The following RNF2 variants were observed in gnomAD, a reference collection of about 807,000 sequenced individuals.
The protein encoded by RNF2 is E3 ubiquitin-protein ligase RING2.
A neutral mutation model predicts 37.2 loss-of-function variants in RNF2; 6 were observed. The observed-to-expected ratio is 0.16, with a 90% confidence interval of 0.09 to 0.32. The LOEUF is 0.32. Ranked by LOEUF, RNF2 falls within the 10% of genes least tolerant of loss-of-function variation. The pLI is 1.00. For synonymous variants in RNF2, 133 were observed against 132.7 expected, an observed-to-expected ratio of 1.00 and a Z score of -0.02; for missense variants, 251 against 404.0, an observed-to-expected ratio of 0.62 and a Z score of 3.25.
rs761177041 is a variant in RNF2 at position 185,100,233 on chromosome 1, A to G, written c.943A>G (p.Ser315Gly). ...LNGSFSLELV[S>G]EKYWKVNKPM... ...TGGCTCTTTTTCTTTGGAATTGGTC[A>G]GTGAGAAATACTGGAAAGTGAACAA... Residue 315 changes from serine to glycine, a missense_variant, in exon 7 of 7, where the codon AGT (serine) becomes GGT (glycine). Physicochemically the swap from Ser to Gly is moderately conservative, Grantham distance 56. Transcript: ENST00000367510. The G allele has an allele frequency of 5.0e-6, 8 of 1,609,780 alleles. No homozygotes were observed. The highest frequency in any genetic ancestry group is 6.8e-6 in the Non-Finnish European group (8 of 1,178,588).
At position 185,093,161 on chromosome 1, in the gene RNF2, C is replaced by T; in HGVS notation, c.349C>T (p.Arg117Cys). Residue 117 changes from arginine to cysteine, a missense_variant, in exon 4 of 7, where the codon CGT becomes TGT. Coordinates refer to ENST00000367510, the MANE Select transcript of RNF2 (RefSeq NM_007212.4). The part of the protein sequence containing the change: ...DALISKIYPS[R>C]DEYEAHQERV... ...ACTCATCAGCAAAATTTATCCAAGT[C>T]GTGATGAGTATGAAGCTCATCAAGA... 1.9e-6 allele frequency: 3 copies of T among 1,613,912 alleles called. No individual in the cohort carries two copies. The highest frequency in any genetic ancestry group is 2.5e-6 in the Non-Finnish European group (3 of 1,179,942).
intron 1 of RNF2, among the ~76,000 whole-genome samples, chr1:185,049,062 C>G (rs1299561427): frequency 1.3e-5 from 2 of 152,112 alleles, no homozygotes; most frequent in Non-Finnish European, 2.9e-5. Context: ...TCCGTCTCTA[C>G]TAAAAATACA....
At chr1:185,094,114 CA>C (rs1388814176) in intron 4 of RNF2, among the ~76,000 whole-genome samples, 3 of 151,556 alleles carry the variant, frequency 2.0e-5, no homozygotes, top group Non-Finnish European at 2.9e-5. Context: ...TTGCTTAAGC[CA>C]AAAACTTTGG....
intron 1 of RNF2, among the ~76,000 whole-genome samples, chr1:185,058,318 G>A (rs1650494573): frequency 6.6e-6 from 1 of 152,092 alleles, no homozygotes; most frequent in Non-Finnish European, 1.5e-5. Flanking sequence ...GGTGTCTGTG[G>A]TGTGCGGGGT....
At position 185,062,817 on chromosome 1, in the gene RNF2, C is replaced by A. The variant is rs183431316; in HGVS notation, c.-3+17168C>A. Among the ~76,000 whole-genome samples, 555 of 149,742 alleles carry A rather than the reference C, an allele frequency of 3.7e-3. 1 individual carries two copies. Among genetic ancestry groups the A allele is most frequent in the South Asian group, 6.1e-3 (29 of 4,730 alleles). ...ATAAATAATTGGTAGACCTCCCCCC[C>A]CCCAAAAAAAGGCCAATAAAGCTGT... On this transcript the variant is annotated intron_variant, in intron 1 of 6. Coordinates refer to ENST00000367510, the MANE Select transcript of RNF2 (RefSeq NM_007212.4).
intron 1 of RNF2, among the ~76,000 whole-genome samples, chr1:185,063,132 T>TTA (rs1491504524): frequency 3.3e-5 from 5 of 152,226 alleles, no homozygotes; most frequent in Non-Finnish European, 5.9e-5. Flanking sequence ...AACCTGTAAC[T>TTA]GTAAATGAGT....
At chr1:185,095,382 A>G (rs1182859776) in intron 4 of RNF2, among the ~76,000 whole-genome samples, 2 of 151,958 alleles carry the variant, frequency 1.3e-5, no homozygotes, top group African/African-American at 2.4e-5. Context: ...TACTTACACT[A>G]CTCTATTTCA....
At chr1:185,065,453 T>C (rs1650772077) in intron 1 of RNF2, among the ~76,000 whole-genome samples, 1 of 152,230 alleles carries the variant, frequency 6.6e-6, no homozygotes, top group East Asian at 1.9e-4. Context: ...TTGCTGCTGC[T>C]CACTCTTTGG....
intron 1 of RNF2, among the ~76,000 whole-genome samples, chr1:185,062,816 C>A (rs936264778): frequency 6.7e-6 from 1 of 149,664 alleles, no homozygotes; most frequent in Non-Finnish European, 1.5e-5. Context: ...GACCTCCCCC[C>A]CCCCAAAAAA....
rs768356678 is a variant in RNF2 at position 185,101,832 on chromosome 1, GTTTTTTTTTT to G, written c.*1544_*1553del. 1 of 97,878 alleles carries G rather than the reference GTTTTTTTTTT, an allele frequency of 1.0e-5. No individual in the cohort carries two copies. The highest frequency in any genetic ancestry group is 1.3e-4 in the Admixed American group (1 of 7,966). 6.1% of individuals were successfully genotyped at this position (97,878 alleles called of 1,614,324 possible). On this transcript the variant is annotated 3_prime_UTR_variant, in exon 7 of 7. Coordinates refer to ENST00000367510, the MANE Select transcript of RNF2 (RefSeq NM_007212.4). ...AATATTTAAAATCTGTTTTTACAGG[GTTTTTTTTTT>G]TTTTTTTTTTTTGTAATCTGTGCCA...
At chr1:185,079,061 A>G (rs1313215223) in intron 1 of RNF2, among the ~76,000 whole-genome samples, 4 of 147,676 alleles carry the variant, frequency 2.7e-5, no homozygotes, top group Admixed American at 2.0e-4. Flanking sequence ...TTCACGGTCT[A>G]CTATGACTAG....
chr1:185,097,080 A>G (rs1466324470), intron 4 of RNF2, among the ~76,000 whole-genome samples: 4 of 152,202 alleles, frequency 2.6e-5, no homozygotes. Context: ...TATTAGCTGT[A>G]TAACTGGAGG....
At chr1:185,090,556 G>C (rs181669039) in intron 2 of RNF2, among the ~76,000 whole-genome samples, 12 of 152,292 alleles carry the variant, frequency 7.9e-5, no homozygotes, top group African/African-American at 2.9e-4. Flanking sequence ...ATGAACAATA[G>C]CTATAGTTTC....
intron 1 of RNF2, among the ~76,000 whole-genome samples, chr1:185,054,500 C>T (rs541010819): frequency 1.3e-5 from 2 of 152,070 alleles, no homozygotes; most frequent in Non-Finnish European, 2.9e-5. Context: ...CTGGCCCCTC[C>T]GGGCCGGCCA....
intron 5 of RNF2, among the ~76,000 whole-genome samples, chr1:185,099,051 C>CTTT (rs1345375710): frequency 8.0e-6 from 1 of 124,708 alleles, no homozygotes; most frequent in African/African-American, 3.0e-5. Context: ...TGCCCGGCCT[C>CTTT]TTTTTTTTTT....
chr1:185,082,518 T>G (rs1376811349), intron 1 of RNF2, among the ~76,000 whole-genome samples: 1 of 146,142 alleles, frequency 6.8e-6, no homozygotes, highest in Non-Finnish European at 1.5e-5. Flanking sequence ...CCTGGCTAAT[T>G]TTTTTATTTT....
At chr1:185,049,078 T>G (rs1204222433) in intron 1 of RNF2, among the ~76,000 whole-genome samples, 2 of 151,980 alleles carry the variant, frequency 1.3e-5, no homozygotes, top group Admixed American at 1.3e-4. Context: ...ATACAAAAAT[T>G]AGCCAGGCAT....
intron 1 of RNF2, among the ~76,000 whole-genome samples, chr1:185,079,581 ACAGT>A (rs1651284900): frequency 6.6e-6 from 1 of 152,300 alleles, no homozygotes; most frequent in African/African-American, 2.4e-5. Flanking sequence ...TCTCATTGGA[ACAGT>A]CATTTTATTT....
At chr1:185,074,383 T>A (rs990478431) in intron 1 of RNF2, among the ~76,000 whole-genome samples, 1 of 152,082 alleles carries the variant, frequency 6.6e-6, no homozygotes, top group Non-Finnish European at 1.5e-5. Context: ...TGGGACTGAA[T>A]GTTCTGACCC....
Sources: gnomAD v4.1 joint callset for allele counts (sites outside exome capture counted in the v4.1 genomes callset) on GRCh38, gnomAD v4.1.1 for gene constraint, MANE v1.5 for transcripts, NCBI Gene and HGNC (gene_info 2026-07-23, HGNC 2026-07-21) for gene names.